Variants in MAGI1 observed in about 807,000 individuals in gnomAD.
MAGI1 encodes the protein membrane-associated guanylate kinase, WW and PDZ domain-containing protein 1.
Under a neutral mutation model 139.9 loss-of-function variants are expected in MAGI1, and 58 were observed. The observed-to-expected ratio is 0.41, with a 90% CI of 0.34 to 0.52. MAGI1 has a LOEUF of 0.52. Ranked by LOEUF, MAGI1 falls within the 20% of genes least tolerant of loss-of-function variation. The probability of loss-of-function intolerance (pLI) is 0.12; values close to 1 mark genes in which losing one functional copy is unlikely to be tolerated. For missense variants in MAGI1, 1,874 were observed against 1,901.6 expected (o/e 0.99, Z 0.27); for synonymous variants, 812 against 737.9 (o/e 1.10, Z -1.63).
At chr3:65,518,779 T>A (rs200462439) in intron 2 of MAGI1, among the ~76,000 whole-genome samples, 89 of 144,236 alleles carry the variant, frequency 6.2e-4, no homozygotes, top group Non-Finnish European at 1.0e-3. Flanking sequence ...AAAAAAAAAA[T>A]AAATAAATAA....
At chr3:65,688,041 C>A (rs930107667) in intron 1 of MAGI1, 38 of 796,060 alleles carry the variant, frequency 4.8e-5, no homozygotes, top group Non-Finnish European at 8.1e-5. Context: ...GGATCCTAGG[C>A]CTACTAAGTC....
Position 65,429,227 on chromosome 3 carries a change from A to T in MAGI1, c.2167+293T>A, listed in dbSNP as rs116631746. ...ATCTTCCTGCCTCAGCCTCTCAAGC[A>T]GCCAGGACTACAGGTGGGTACCACC... On this transcript the variant is annotated intron_variant, in intron 12 of 22. Transcript: ENST00000402939. 5.4e-3 allele frequency among the ~76,000 whole-genome samples: 824 copies of T among 152,254 alleles called. 6 individuals are homozygous for T. The highest frequency in any genetic ancestry group is 0.019 in the African/African-American group (782 of 41,556).
intron 1 of MAGI1, among the ~76,000 whole-genome samples, chr3:65,713,303 T>C (rs927699767): frequency 2.6e-5 from 4 of 152,138 alleles, no homozygotes; most frequent in African/African-American, 9.7e-5. Context: ...AAACTCAACA[T>C]TCTTGGTCAA....
At chr3:65,910,390 A>G (rs2061606365) in intron 1 of MAGI1, among the ~76,000 whole-genome samples, 1 of 152,242 alleles carries the variant, frequency 6.6e-6, no homozygotes, top group South Asian at 2.1e-4. Flanking sequence ...TGTACTGTTG[A>G]AAATACACAA....
At chr3:65,582,662 C>A (rs529893880) in intron 2 of MAGI1, among the ~76,000 whole-genome samples, 1 of 152,258 alleles carries the variant, frequency 6.6e-6, no homozygotes, top group African/African-American at 2.4e-5. Context: ...CCTTTGCATC[C>A]TGGTTACTTC....
At chr3:65,662,523 A>C (rs2086257164) in intron 1 of MAGI1, among the ~76,000 whole-genome samples, 1 of 152,220 alleles carries the variant, frequency 6.6e-6, no homozygotes, top group African/African-American at 2.4e-5. Context: ...CACTGATCTA[A>C]ATAGAAGTTT....
intron 1 of MAGI1, among the ~76,000 whole-genome samples, chr3:65,818,050 G>GTGTA (rs1286792906): frequency 2.0e-5 from 3 of 151,688 alleles, no homozygotes; most frequent in Non-Finnish European, 4.4e-5. Context: ...ATGAGTGTGT[G>GTGTA]TGTGTGTGTG....
In MAGI1 at chr3:65,470,294, G is replaced by A. The variant is rs1950482055; in HGVS notation, c.948C>T (p.Val316=). 6.2e-7 allele frequency: 1 copy of A among 1,603,956 alleles called. No individual in the cohort carries two copies. Among genetic ancestry groups the A allele is most frequent in the East Asian group, 2.2e-5 (1 of 44,828 alleles). Residue 316 remains valine (V), a synonymous_variant, in exon 5 of 23, where the codon GTC becomes GTT. Transcript: ENST00000402939. Reference sequence around the variant, plus strand: ...ATGGTATACTTTACTCTATAAAATAGACTTCTCCATTTTCAGTATAGGCCA... The same window carrying A: ...ATGGTATACTTTACTCTATAAAATAAACTTCTCCATTTTCAGTATAGGCCA... The part of the protein sequence containing the change: ...WEMAYTENGE[V]YFIDHNTKTT...
intron 1 of MAGI1, among the ~76,000 whole-genome samples, chr3:65,838,046 T>G (rs2058685804): frequency 6.6e-6 from 1 of 152,226 alleles, no homozygotes; most frequent in South Asian, 2.1e-4. Context: ...AAACTGGCAT[T>G]GCAATATTTG....
intron 1 of MAGI1, among the ~76,000 whole-genome samples, chr3:65,790,496 G>C (rs1372006809): frequency 6.6e-6 from 1 of 152,172 alleles, no homozygotes; most frequent in Non-Finnish European, 1.5e-5. Flanking sequence ...TTTACTAAAA[G>C]CCAAATTAGA....
intron 1 of MAGI1, among the ~76,000 whole-genome samples, chr3:65,653,420 C>A (rs1412079154): frequency 6.6e-6 from 1 of 152,226 alleles, no homozygotes; most frequent in Admixed American, 6.5e-5. Flanking sequence ...ATGGGCTTTC[C>A]GATGTGCTTA....
intron 2 of MAGI1, 81 bp from the exon 3 acceptor site, chr3:65,493,712 A>T: frequency 6.4e-7 from 1 of 1,550,416 alleles, no homozygotes; most frequent in African/African-American, 1.4e-5. Flanking sequence ...AATTAAAATA[A>T]CCTGTTCAGT....
intron 1 of MAGI1, among the ~76,000 whole-genome samples, chr3:65,871,861 C>T (rs2059950316): frequency 6.6e-6 from 1 of 152,224 alleles, no homozygotes; most frequent in Non-Finnish European, 1.5e-5. Context: ...CTTATTGGAG[C>T]AGCCCAGAAA....
At chr3:65,491,762 C>G (rs2107663584) in intron 3 of MAGI1, among the ~76,000 whole-genome samples, 2 of 151,932 alleles carry the variant, frequency 1.3e-5, no homozygotes, top group Admixed American at 1.3e-4. Context: ...GCCCACCAGC[C>G]ACCCAGTCAC....
chr3:66,031,680 GTT>G (rs2068600640), intron 1 of MAGI1, among the ~76,000 whole-genome samples: 1 of 144,918 alleles, frequency 6.9e-6, no homozygotes, highest in African/African-American at 2.8e-5. Flanking sequence ...ATTTTTGAAA[GTT>G]TAAGTTAAAA....
chr3:65,779,454 C>T (rs1472217632), intron 1 of MAGI1, among the ~76,000 whole-genome samples: 1 of 152,208 alleles, frequency 6.6e-6, no homozygotes. Flanking sequence ...CATCTTCAAC[C>T]CAGCAATGCA....
intron 15 of MAGI1, among the ~76,000 whole-genome samples, chr3:65,382,475 T>C (rs762117867): frequency 5.9e-5 from 9 of 152,234 alleles, no homozygotes; most frequent in Admixed American, 6.5e-5. Context: ...ATAGGGAATC[T>C]GTAATAAATA....
chr3:65,607,908 A>G (rs1335137038), intron 2 of MAGI1, among the ~76,000 whole-genome samples: 1 of 152,248 alleles, frequency 6.6e-6, no homozygotes, highest in Non-Finnish European at 1.5e-5. Context: ...AAAAAATGTC[A>G]GAATAACTTA....
intron 2 of MAGI1, among the ~76,000 whole-genome samples, chr3:65,566,854 C>G (rs1406293215): frequency 6.7e-6 from 1 of 149,956 alleles, no homozygotes; most frequent in Non-Finnish European, 1.5e-5. Context: ...GCCTGGGCCT[C>G]CCAAAGTGCT....
Sources: gnomAD v4.1 joint callset for allele counts (sites outside exome capture counted in the v4.1 genomes callset) on GRCh38, gnomAD v4.1.1 for gene constraint, MANE v1.5 for transcripts, NCBI Gene and HGNC (gene_info 2026-07-23, HGNC 2026-07-21) for gene names.